The following ELAC1 variants were observed in gnomAD, a reference collection of about 807,000 sequenced individuals.
ELAC1 encodes the protein elaC ribonuclease Z 1, also known as zinc phosphodiesterase ELAC protein 1.
ELAC1 carries 19 observed loss-of-function variants against 25.8 expected under a neutral mutation model. The ratio of observed to expected loss-of-function variants is 0.74; its 90% CI spans 0.51 to 1.08. ELAC1 has a LOEUF of 1.08. Ranked by LOEUF, ELAC1 falls within the 50% of genes least tolerant of loss-of-function variation. The pLI is 0.00. For missense variants in ELAC1, 403 were observed against 434.6 expected (o/e 0.93, Z 0.65); for synonymous variants, 148 against 160.9 (o/e 0.92, Z 0.61).
chr18:50,985,339 C>G (rs997794111), intron 3 of ELAC1, among the ~76,000 whole-genome samples: 2 of 152,202 alleles, frequency 1.3e-5, no homozygotes, highest in African/African-American at 4.8e-5. Flanking sequence ...ACTAATTTAA[C>G]CTTGATTAAA....
chr18:50,972,538 A>G lies in ELAC1; in HGVS notation c.-8-1859A>G, dbSNP rs112537538. Among the ~76,000 whole-genome samples, 336 of 152,198 alleles carry G rather than the reference A, an allele frequency of 2.2e-3. 2 individuals carry two copies. The highest frequency in any genetic ancestry group is 6.8e-3 in the Middle Eastern group (2 of 294). Reference sequence around the variant, plus strand: ...ACTGTGTCACCCAGGCTGGAGTGCAATTGTGCAATCTTGGCTCACTATGAC... The same window carrying G: ...ACTGTGTCACCCAGGCTGGAGTGCAGTTGTGCAATCTTGGCTCACTATGAC... On this transcript the variant is annotated intron_variant, in intron 1 of 3. Coordinates refer to ENST00000269466, the MANE Select transcript of ELAC1 (RefSeq NM_018696.3).
In ELAC1 at chr18:50,984,566, A is replaced by G. The variant is rs1908050430; in HGVS notation, c.625+3A>G. On this transcript the variant is annotated splice_donor_region_variant and intron_variant, in intron 3 of 3. Coordinates refer to ENST00000269466, the MANE Select transcript of ELAC1 (RefSeq NM_018696.3). ...TGCACAGAAACTTAAAGACCTTGGT[A>G]AGTGTTTTTTTGTTTTTTGTTTTTT... 6.2e-7 allele frequency: 1 copy of G among 1,604,874 alleles called. No homozygotes were observed. The highest frequency in any genetic ancestry group is 8.5e-7 in the Non-Finnish European group (1 of 1,175,894).
rs192106748 is a variant in ELAC1 at position 50,986,453 on chromosome 18, A to G, written c.626-166A>G. ...TAAGGCATTGCTAATATCAATCAACACTGAAATTTTAAAAATGTATAAATC... is the reference window on the plus strand; with the variant it reads ...TAAGGCATTGCTAATATCAATCAACGCTGAAATTTTAAAAATGTATAAATC... On this transcript the variant is annotated intron_variant, in intron 3 of 3. Coordinates refer to ENST00000269466, the MANE Select transcript of ELAC1 (RefSeq NM_018696.3). Among the ~76,000 whole-genome samples the G allele has an allele frequency of 2.6e-5, 4 of 152,324 alleles. No individual in the cohort carries two copies. In the East Asian group the frequency reaches 5.8e-4, roughly 22 times the overall value.
Position 50,987,203 on chromosome 18 carries a change from GA to G in ELAC1, c.*120del. ...ATTTGGGCCCTAATAATCCTAAAAA[GA>G]ATGGAGCTGCATTGATGAATTGGCT... On this transcript the variant is annotated 3_prime_UTR_variant, in exon 4 of 4. Coordinates refer to ENST00000269466, the MANE Select transcript of ELAC1 (RefSeq NM_018696.3). The G allele has an allele frequency of 1.4e-6, 1 of 715,736 alleles. No individual in the cohort carries two copies. The highest frequency in any genetic ancestry group is 2.1e-6 in the Non-Finnish European group (1 of 477,706). The allele number at this position is 715,736 out of a possible 1,614,324, so 44.3% of individuals were successfully genotyped here. A position where few individuals can be genotyped will look rare whatever the true frequency, so the allele number is the denominator to read the frequency against.
intron 3 of ELAC1, chr18:50,984,931 CAAA>C: frequency 8.8e-6 from 2 of 227,286 alleles, no homozygotes; most frequent in Non-Finnish European, 1.7e-5. Context: ...AACTCTGTCT[CAAA>C]AAAAAAAAAG....
At chr18:50,986,596 A>G in intron 3 of ELAC1, 23 bp from the exon 4 acceptor site, 1 of 1,537,598 alleles carries the variant, frequency 6.5e-7, no homozygotes, top group Non-Finnish European at 8.9e-7. Context: ...CTATGATGTA[A>G]TGTTATCTGC....
intron 1 of ELAC1, among the ~76,000 whole-genome samples, chr18:50,971,942 A>ATATATATG (rs1907668989): frequency 7.6e-6 from 1 of 132,298 alleles, no homozygotes; most frequent in African/African-American, 2.8e-5. Flanking sequence ...ATATATATAT[A>ATATATATG]TCCTTTGCCT....
At position 50,986,725 on chromosome 18, in the gene ELAC1, T is replaced by C; in HGVS notation, c.732T>C (p.Val244=). 6.2e-7 allele frequency: 1 copy of C among 1,614,180 alleles called. No homozygotes were observed. ...SPQDVLKKPI[V]GRKICILGDC... is the part of the protein sequence containing the mutation. ...AAGATGTCTTAAAAAAGCCTATTGTTGGAAGAAAAATCTGCATATTGGGTG... is the reference window on the plus strand; with the variant it reads ...AAGATGTCTTAAAAAAGCCTATTGTCGGAAGAAAAATCTGCATATTGGGTG... Residue 244 remains valine, a synonymous_variant, in exon 4 of 4, where the codon GTT becomes GTC. Coordinates refer to ENST00000269466, the MANE Select transcript of ELAC1 (RefSeq NM_018696.3).
chr18:50,981,096 G>A (rs542238000), intron 2 of ELAC1, among the ~76,000 whole-genome samples: 1 of 75,238 alleles, frequency 1.3e-5, no homozygotes, highest in African/African-American at 4.9e-5. Flanking sequence ...CCCACCCCCC[G>A]CCACCCTCCT....
At chr18:50,970,440 A>G (rs1233197192) in intron 1 of ELAC1, among the ~76,000 whole-genome samples, 1 of 152,230 alleles carries the variant, frequency 6.6e-6, no homozygotes, top group Non-Finnish European at 1.5e-5. Flanking sequence ...CTATCTTGCA[A>G]ATCAATAAGG....
At chr18:50,975,330 T>A (rs1328555578) in intron 2 of ELAC1, among the ~76,000 whole-genome samples, 2 of 152,110 alleles carry the variant, frequency 1.3e-5, no homozygotes, top group African/African-American at 4.8e-5. Flanking sequence ...AGATGCCATC[T>A]TCTCAGAGGC....
At chr18:50,984,841 A>G in intron 3 of ELAC1, 1 of 509,594 alleles carries the variant, frequency 2.0e-6, no homozygotes, top group Non-Finnish European at 3.4e-6. Flanking sequence ...CTGAGGCAGG[A>G]GGATCACTTG....
At chr18:50,976,496 A>G (rs1480993232) in intron 2 of ELAC1, among the ~76,000 whole-genome samples, 1 of 152,148 alleles carries the variant, frequency 6.6e-6, no homozygotes, top group African/African-American at 2.4e-5. Flanking sequence ...AACCCGTCAG[A>G]TCTCATGAGA....
chr18:50,974,975 ACTT>A (rs1055099175), intron 2 of ELAC1, among the ~76,000 whole-genome samples: 8 of 152,054 alleles, frequency 5.3e-5, no homozygotes, highest in African/African-American at 1.9e-4. Flanking sequence ...ATCAGGGTAA[ACTT>A]CTCAGAGAAG....
At position 50,986,737 on chromosome 18, in the gene ELAC1, C is replaced by A. The variant is rs1287521628; in HGVS notation, c.744C>A (p.Ile248=). Reference sequence around the variant, plus strand: ...AAAAGCCTATTGTTGGAAGAAAAATCTGCATATTGGGTGACTGCTCTGGGG... The same window carrying A: ...AAAAGCCTATTGTTGGAAGAAAAATATGCATATTGGGTGACTGCTCTGGGG... The part of the protein sequence containing the change: ...VLKKPIVGRK[I]CILGDCSGVV... Residue 248 remains isoleucine, a synonymous_variant, in exon 4 of 4, where the codon ATC becomes ATA. Coordinates refer to ENST00000269466, the MANE Select transcript of ELAC1 (RefSeq NM_018696.3). 1 of 1,614,174 alleles carries A rather than the reference C, an allele frequency of 6.2e-7. No individual in the cohort carries two copies. The highest frequency in any genetic ancestry group is 8.5e-7 in the Non-Finnish European group (1 of 1,180,036).
At position 50,987,456 on chromosome 18, in the gene ELAC1, T is replaced by TA. The variant is rs1908144033; in HGVS notation, c.*376dup. 5.8e-6 allele frequency: 1 copy of TA among 170,994 alleles called. No homozygotes were observed. Among genetic ancestry groups the TA allele is most frequent in the Non-Finnish European group, 1.2e-5 (1 of 81,176 alleles). The allele number at this position is 170,994 out of a possible 1,614,324, so 10.6% of individuals were successfully genotyped here. A position where few individuals can be genotyped will look rare whatever the true frequency, so the allele number is the denominator to read the frequency against. On this transcript the variant is annotated 3_prime_UTR_variant, in exon 4 of 4. Transcript: ENST00000269466. ...GAGCACAGGACTCAGCCCTCGTGGC[T>TA]AAAAATGGTATTTTGGCAGTTTGTA...
intron 3 of ELAC1, among the ~76,000 whole-genome samples, chr18:50,985,411 T>C (rs1315599548): frequency 6.6e-6 from 1 of 152,236 alleles, no homozygotes; most frequent in Non-Finnish European, 1.5e-5. Context: ...TCATCGTAGT[T>C]GAAAGCAAGC....
intron 2 of ELAC1, among the ~76,000 whole-genome samples, chr18:50,975,312 C>G (rs1434614921): frequency 6.6e-6 from 1 of 152,056 alleles, no homozygotes; most frequent in African/African-American, 2.4e-5. Context: ...TCAGTTAAAT[C>G]TTAGCTCAGA....
Position 50,986,803 on chromosome 18 carries a change from C to T in ELAC1, c.810C>T (p.Asp270=), listed in dbSNP as rs201099538. Residue 270 remains aspartate, a synonymous_variant, in exon 4 of 4, where the codon GAC becomes GAT. Coordinates refer to ENST00000269466, the MANE Select transcript of ELAC1 (RefSeq NM_018696.3). ...DGGVKLCFEA[D]LLIHEATLDD... is the part of the protein sequence containing the mutation. Reference sequence around the variant, plus strand: ...GAGTAAAACTGTGCTTTGAAGCAGACCTGTTGATCCACGAAGCAACCCTGG... The same window carrying T: ...GAGTAAAACTGTGCTTTGAAGCAGATCTGTTGATCCACGAAGCAACCCTGG... 3.4e-5 allele frequency: 55 copies of T among 1,614,158 alleles called. No homozygotes were observed. Among genetic ancestry groups the T allele is most frequent in the Non-Finnish European group, 4.6e-5 (54 of 1,180,030 alleles).
Sources: gnomAD v4.1 joint callset for allele counts (sites outside exome capture counted in the v4.1 genomes callset) on GRCh38, gnomAD v4.1.1 for gene constraint, MANE v1.5 for transcripts, NCBI Gene and HGNC (gene_info 2026-07-23, HGNC 2026-07-21) for gene names.